The following COL6A2 variants were observed in gnomAD, a reference collection of about 807,000 sequenced individuals.
COL6A2 encodes collagen type VI alpha 2 chain.
Under a neutral mutation model 124.9 loss-of-function variants are expected in COL6A2, and 90 were observed. The observed-to-expected ratio is 0.72, with a 90% CI of 0.61 to 0.86. The LOEUF is 0.86. Ranked by LOEUF, COL6A2 falls within the 40% of genes least tolerant of loss-of-function variation. The probability of loss-of-function intolerance (pLI) is 0.00; values close to 1 mark genes in which losing one functional copy is unlikely to be tolerated. For synonymous variants in COL6A2, 793 were observed against 618.2 expected (o/e 1.28, Z -4.19); for missense variants, 1,607 against 1,502.5 (o/e 1.07, Z -1.15).
chr21:46,128,795 C>A, intron 27 of COL6A2: 1 of 916,338 alleles, frequency 1.1e-6, no homozygotes, highest in Non-Finnish European at 1.8e-6. Context: ...GAAGGGTTTA[C>A]CACCGCAAGC....
At chr21:46,128,837 G>A in intron 27 of COL6A2, 2 of 1,355,034 alleles carry the variant, frequency 1.5e-6, no homozygotes, top group Non-Finnish European at 2.1e-6. Context: ...GGGTGGCTGG[G>A]GTCTTCCTGG....
chr21:46,103,831 T>TC (rs2078311075), intron 1 of COL6A2, among the ~76,000 whole-genome samples: 1 of 152,198 alleles, frequency 6.6e-6, no homozygotes, highest in Non-Finnish European at 1.5e-5. Flanking sequence ...TGCAAGCCCT[T>TC]CTCCGTCTGG....
chr21:46,122,146 C>G lies in COL6A2; in HGVS notation c.1560C>G (p.Pro520=), dbSNP rs112197239. The G allele has an allele frequency of 3.4e-4, 544 of 1,612,688 alleles. 4 individuals carry two copies. In the African/African-American group the frequency reaches 5.2e-3, roughly 15 times the overall value. The part of the protein sequence containing the change: ...PGRPGFSYPG[P]RGAPGEKGEP... Reference sequence around the variant, plus strand: ...GGCCTGGATTCAGCTACCCAGGACCCCGAGGAGCACCCGTGAGTCACAGCC... The same window carrying G: ...GGCCTGGATTCAGCTACCCAGGACCGCGAGGAGCACCCGTGAGTCACAGCC... The change falls in exon 19 of 28, where the codon CCC becomes CCG. Residue 520 remains proline (P), a synonymous_variant. Coordinates refer to ENST00000300527, the MANE Select transcript of COL6A2 (RefSeq NM_001849.4).
chr21:46,099,592 G>T lies in COL6A2; in HGVS notation c.-28+1419G>T, dbSNP rs369904684. On this transcript the variant is annotated intron_variant, in intron 1 of 27. Transcript: ENST00000300527. ...ATGCAAAGTCGGGCGCCTGATGCGG[G>T]GCTCACCCGCCACAAGCAGGGGTCC... is the stretch of plus-strand genomic sequence containing the variant. Among the ~76,000 whole-genome samples the T allele has an allele frequency of 1.4e-4, 22 of 152,308 alleles. No individual in the cohort carries two copies. In the East Asian group the frequency reaches 2.3e-3, roughly 16 times the overall value.
Position 46,111,451 on chromosome 21 carries a change from A to G in COL6A2, c.-26A>G. ...GAGCGACCCCCACCCCTGTTGCAGG[A>G]CTTCAGGGCCACAGGTGCTGCCAAG... On this transcript the variant is annotated splice_region_variant and 5_prime_UTR_variant, in exon 2 of 28. Transcript: ENST00000300527. The G allele has an allele frequency of 6.3e-7, 1 of 1,575,078 alleles. No homozygotes were observed. Among genetic ancestry groups the G allele is most frequent in the Non-Finnish European group, 8.7e-7 (1 of 1,146,956 alleles).
At chr21:46,125,684 G>A in intron 25 of COL6A2, 67 bp downstream of exon 25, 1 of 1,591,922 alleles carries the variant, frequency 6.3e-7, no homozygotes, top group Non-Finnish European at 8.6e-7. Flanking sequence ...CGATGAGATG[G>A]GAGAAGTCCA....
intron 27 of COL6A2, chr21:46,129,041 C>CGA: frequency 6.2e-7 from 1 of 1,601,188 alleles, no homozygotes; most frequent in East Asian, 2.2e-5. Flanking sequence ...CTGCCAAGGC[C>CGA]GAGCCACACA....
At chr21:46,120,455 A>C in intron 15 of COL6A2, 60 bp from the exon 16 acceptor site, 1 of 1,399,798 alleles carries the variant, frequency 7.1e-7, no homozygotes, top group Non-Finnish European at 9.8e-7. Context: ...CGCCTCTCAC[A>C]TGGGACCCAG....
chr21:46,118,996 C>T (rs776673317), intron 13 of COL6A2, 34 bp from the exon 14 acceptor site: 2 of 1,519,196 alleles, frequency 1.3e-6, no homozygotes, highest in South Asian at 2.2e-5. Context: ...GGGCCCCTGC[C>T]TCTGGGTGAC....
At position 46,122,954 on chromosome 21, in the gene COL6A2, C is replaced by G. The variant is rs372188653; in HGVS notation, c.1671+17C>G. 2 of 1,611,936 alleles carry G rather than the reference C, an allele frequency of 1.2e-6. No individual in the cohort carries two copies. Among genetic ancestry groups the G allele is most frequent in the Non-Finnish European group, 8.5e-7 (1 of 1,179,124 alleles). On this transcript the variant is annotated intron_variant, in intron 21 of 27. Transcript: ENST00000300527. ...GGAGAGCCTGTGAGTGTCACCGTCC[C>G]GAAGCCCACAGCAGCTGGGCAGAGG...
chr21:46,120,442 A>G, intron 15 of COL6A2, 73 bp from the exon 16 acceptor site: 1 of 1,268,044 alleles, frequency 7.9e-7, no homozygotes. Context: ...CCCCGGCCAC[A>G]CCCGCCTCTC....
intron 5 of COL6A2, among the ~76,000 whole-genome samples, chr21:46,115,334 C>G (rs2839108): frequency 1.3e-5 from 2 of 152,076 alleles, no homozygotes; most frequent in African/African-American, 4.8e-5. Context: ...TAATTCTTCC[C>G]CTTTCCTCTG....
intron 1 of COL6A2, among the ~76,000 whole-genome samples, chr21:46,101,676 G>A (rs957293311): frequency 1.3e-5 from 2 of 151,922 alleles, no homozygotes; most frequent in Non-Finnish European, 2.9e-5. Flanking sequence ...TGGTCTTGAC[G>A]GCTTGATTGA....
At position 46,126,202 on chromosome 21, in the gene COL6A2, A is replaced by T. The variant is rs767620199; in HGVS notation, c.2387A>T (p.Lys796Met). ...CTGTTCTCCGACCTGGTCGCTGAGA[A>T]GTTCATCGATGACATGGAGGACGTC... Reference protein sequence around the residue: ...MTLFSDLVAEKFIDDMEDVLC... With the variant: ...MTLFSDLVAEMFIDDMEDVLC... The change falls in exon 26 of 28, where the codon AAG becomes ATG. Residue 796 changes from lysine (K) to methionine (M), a missense_variant. By Grantham distance (95) the Lys-to-Met change is moderately conservative. This residue lies in a region of COL6A2 where 1,223 missense variants were observed against 1,052.2 expected (regional missense o/e 1.16). Transcript: ENST00000300527. The T allele has an allele frequency of 3.7e-6, 6 of 1,602,496 alleles. No individual in the cohort carries two copies. The South Asian group carries it at 5.5e-5, about 15-fold the overall frequency.
chr21:46,109,654 A>T (rs1285546400), intron 1 of COL6A2, among the ~76,000 whole-genome samples: 1 of 152,164 alleles, frequency 6.6e-6, no homozygotes, highest in East Asian at 1.9e-4. Context: ...GGGCCAAGTC[A>T]GCAGGGGGCT....
At position 46,122,599 on chromosome 21, in the gene COL6A2, A is replaced by G; in HGVS notation, c.1608+68A>G. The G allele has an allele frequency of 1.0e-5, 16 of 1,542,546 alleles. 1 individual carries two copies. The South Asian group carries it at 1.8e-4, about 17-fold the overall frequency. On this transcript the variant is annotated intron_variant, in intron 20 of 27. Coordinates refer to ENST00000300527, the MANE Select transcript of COL6A2 (RefSeq NM_001849.4). ...GTCTGCACGCCCAATTGCTGGGAAC[A>G]CAATGCCCACCGTCACTGACAGGAC...
At chr21:46,129,864 G>A (rs1305557513) in intron 27 of COL6A2, 2 of 1,041,128 alleles carry the variant, frequency 1.9e-6, no homozygotes, top group Non-Finnish European at 2.3e-6. Context: ...GGGTTTGGGT[G>A]TGGAAGTCTT....
chr21:46,118,585 C>A, intron 12 of COL6A2, 29 bp from the exon 13 acceptor site: 1 of 1,611,076 alleles, frequency 6.2e-7, no homozygotes, highest in South Asian at 1.1e-5. Flanking sequence ...TGCCAAAAGA[C>A]GTGAGGCTGA....
chr21:46,114,146 G>A (rs1305764635), intron 5 of COL6A2, 73 bp downstream of exon 5: 8 of 1,336,602 alleles, frequency 6.0e-6, no homozygotes, highest in South Asian at 1.2e-5. Flanking sequence ...TCCACACTTG[G>A]CCGGGCGTGG....
Sources: gnomAD v4.1 joint callset for allele counts (sites outside exome capture counted in the v4.1 genomes callset) on GRCh38, gnomAD v4.1.1 for gene constraint, gnomAD v4.1.1 regional missense constraint, MANE v1.5 for transcripts, NCBI Gene and HGNC (gene_info 2026-07-23, HGNC 2026-07-21) for gene names.